RIN3: variants seen among roughly 807,000 people sequenced by gnomAD.
RIN3 encodes the protein Ras and Rab interactor 3.
A neutral mutation model predicts 76.3 loss-of-function variants in RIN3; 54 were observed. That is an observed-to-expected ratio of 0.71 (90% CI 0.57 to 0.89). RIN3 has a LOEUF of 0.89. RIN3 is among the 40% of genes least tolerant of loss of function. The probability of loss-of-function intolerance (pLI) is 0.00; values close to 1 mark genes in which losing one functional copy is unlikely to be tolerated. For synonymous variants in RIN3, 576 were observed against 564.0 expected (o/e 1.02, Z -0.30); for missense variants, 1,256 against 1,322.1 (o/e 0.95, Z 0.78).
intron 1 of RIN3, among the ~76,000 whole-genome samples, chr14:92,527,250 C>T (rs189833299): frequency 0.065 from 9,936 of 151,774 alleles, 1,086 homozygotes; most frequent in African/African-American, 0.23. Flanking sequence ...GACGGGGTTT[C>T]ACCGTGTTAG....
chr14:92,685,404 G>A lies in RIN3; in HGVS notation c.2631+254G>A. On this transcript the variant is annotated intron_variant, in intron 9 of 9. Coordinates refer to ENST00000216487, the MANE Select transcript of RIN3 (RefSeq NM_024832.5). The surrounding 1 kb of genome is among the most constrained non-coding windows in gnomAD (Gnocchi z 4.7). The stretch of plus-strand genomic sequence containing the variant: ...CCCTGGGCAAGCAGGAAGGGTGCAG[G>A]AGGAATGAGACACACCCATCATTCC... The A allele has an allele frequency of 2.0e-6, 1 of 503,058 alleles. No homozygotes were observed. The highest frequency in any genetic ancestry group is 3.6e-6 in the Non-Finnish European group (1 of 276,448). 31.2% of individuals were successfully genotyped at this position (503,058 alleles called of 1,614,324 possible). A position where few individuals can be genotyped will look rare whatever the true frequency, so the allele number is the denominator to read the frequency against.
chr14:92,624,939 C>G (rs1886299831), intron 4 of RIN3, among the ~76,000 whole-genome samples: 1 of 151,964 alleles, frequency 6.6e-6, no homozygotes, highest in Non-Finnish European at 1.5e-5. Context: ...GATATGGTCC[C>G]TCCCAGGACG....
At chr14:92,577,656 T>C (rs748025291) in intron 3 of RIN3, among the ~76,000 whole-genome samples, 179 bp downstream of exon 3, 7 of 152,204 alleles carry the variant, frequency 4.6e-5, no homozygotes, top group Non-Finnish European at 5.9e-5. Context: ...CAGTTCATCA[T>C]CCAAAGTCAG....
chr14:92,597,240 A>G (rs1375293600), intron 3 of RIN3, among the ~76,000 whole-genome samples: 1 of 152,264 alleles, frequency 6.6e-6, no homozygotes, highest in Admixed American at 6.5e-5. Context: ...GAAACAGGAA[A>G]TAAATTTCAA....
At chr14:92,576,266 C>T (rs1898225252) in intron 2 of RIN3, 1 of 1,288,292 alleles carries the variant, frequency 7.8e-7, no homozygotes, top group African/African-American at 1.5e-5. Flanking sequence ...TGAAAGGCAG[C>T]AGAATCCCGC....
At chr14:92,582,474 G>A (rs1195785053) in intron 3 of RIN3, among the ~76,000 whole-genome samples, 1 of 143,218 alleles carries the variant, frequency 7.0e-6, no homozygotes, top group Non-Finnish European at 1.5e-5. Flanking sequence ...CTGAGATGGA[G>A]TCTTGCTCTA....
At chr14:92,519,448 G>T (rs560659588) in intron 1 of RIN3, among the ~76,000 whole-genome samples, 1 of 152,172 alleles carries the variant, frequency 6.6e-6, no homozygotes, top group Non-Finnish European at 1.5e-5. Flanking sequence ...GTAGCCTCTC[G>T]AGGGTGGCTG....
At chr14:92,600,234 A>T (rs138041674) in intron 3 of RIN3, among the ~76,000 whole-genome samples, 124 of 152,322 alleles carry the variant, frequency 8.1e-4, no homozygotes, top group East Asian at 7.0e-3. Flanking sequence ...AAGGAAAATG[A>T]ATAAGGAAAT....
At chr14:92,516,739 T>A (rs903574889) in intron 1 of RIN3, among the ~76,000 whole-genome samples, 3 of 152,088 alleles carry the variant, frequency 2.0e-5, no homozygotes, top group Non-Finnish European at 4.4e-5. Flanking sequence ...GAGGCCCTCC[T>A]CATCTCCCCT....
intron 1 of RIN3, among the ~76,000 whole-genome samples, chr14:92,525,883 A>G (rs1333686695): frequency 1.3e-5 from 2 of 152,136 alleles, no homozygotes; most frequent in African/African-American, 2.4e-5. Context: ...GGATGGTCCT[A>G]TGGAGTGCCG....
intron 4 of RIN3, among the ~76,000 whole-genome samples, chr14:92,621,546 G>A (rs995363247): frequency 6.6e-6 from 1 of 152,168 alleles, no homozygotes; most frequent in Admixed American, 6.5e-5. Flanking sequence ...ACTGTTGGGG[G>A]TGGGGAGCAG....
At chr14:92,558,969 C>T (rs139037128) in intron 2 of RIN3, among the ~76,000 whole-genome samples, 17,850 of 146,630 alleles carry the variant, frequency 0.12, 1,199 homozygotes, top group African/African-American at 0.18. Context: ...TGGGTTCAAG[C>T]GATTCTCCTG....
rs1407741025 is a variant in RIN3 at position 92,514,537 on chromosome 14, C to T, written c.44+561C>T. Among the ~76,000 whole-genome samples the T allele has an allele frequency of 6.6e-6, 1 of 152,268 alleles. No individual in the cohort carries two copies. Among genetic ancestry groups the T allele is most frequent in the Non-Finnish European group, 1.5e-5 (1 of 68,044 alleles). Reference sequence around the variant, plus strand: ...TCCACTGGGCCCTTTTCCCGCCGCCCCTCTGCCCTGGCCGTAGACGGTGAC... The same window carrying T: ...TCCACTGGGCCCTTTTCCCGCCGCCTCTCTGCCCTGGCCGTAGACGGTGAC... On this transcript the variant is annotated intron_variant, in intron 1 of 9. Coordinates refer to ENST00000216487, the MANE Select transcript of RIN3 (RefSeq NM_024832.5). The surrounding 1 kb of genome is among the most constrained non-coding windows in gnomAD (Gnocchi z 7.2).
intron 5 of RIN3, chr14:92,644,898 C>G (rs1296116999): frequency 6.6e-6 from 1 of 152,244 alleles, no homozygotes; most frequent in Non-Finnish European, 1.5e-5. Flanking sequence ...ACACACCAGG[C>G]ATTGTGCCTG....
At chr14:92,642,603 C>A (rs1887056603) in intron 5 of RIN3, among the ~76,000 whole-genome samples, 1 of 152,158 alleles carries the variant, frequency 6.6e-6, no homozygotes, top group Non-Finnish European at 1.5e-5. Context: ...GTGCCTTGTT[C>A]ACCAGTGTTG....
At chr14:92,535,768 G>A (rs1452316636) in intron 1 of RIN3, among the ~76,000 whole-genome samples, 3 of 150,058 alleles carry the variant, frequency 2.0e-5, no homozygotes, top group Non-Finnish European at 3.0e-5. Flanking sequence ...TCCGTCTCCC[G>A]GGTTCAAGCG....
At chr14:92,560,821 C>A (rs56098450) in intron 2 of RIN3, among the ~76,000 whole-genome samples, 17,931 of 150,950 alleles carry the variant, frequency 0.12, 1,199 homozygotes, top group African/African-American at 0.18. Flanking sequence ...GAGTTCAAGA[C>A]CAGCCTGGTC....
At chr14:92,583,159 G>A (rs993915295) in intron 3 of RIN3, among the ~76,000 whole-genome samples, 2 of 152,176 alleles carry the variant, frequency 1.3e-5, no homozygotes, top group Admixed American at 6.5e-5. Context: ...GGTGATCTGA[G>A]GGGGAAGTGG....
intron 4 of RIN3, among the ~76,000 whole-genome samples, chr14:92,640,806 CTG>C (rs1008051758): frequency 6.6e-6 from 1 of 151,192 alleles, no homozygotes; most frequent in East Asian, 2.0e-4. Flanking sequence ...AGATGCCTGA[CTG>C]TGTGTTCGTC....
Sources: allele counts gnomAD v4.1 joint callset (sites outside exome capture counted in the v4.1 genomes callset), GRCh38; gene constraint gnomAD v4.1.1; non-coding constraint Gnocchi (gnomAD v3.1); transcripts MANE v1.5; gene names NCBI Gene and HGNC (gene_info 2026-07-23, HGNC 2026-07-21).